Variants in FRAS1 observed in about 807,000 individuals in gnomAD.
FRAS1 encodes the protein Fraser extracellular matrix complex subunit 1, also known as extracellular matrix organizing protein FRAS1.
In FRAS1, 290 loss-of-function variants were observed where a neutral mutation model predicts 435.2. The ratio of observed to expected loss-of-function variants is 0.67; its 90% CI spans 0.61 to 0.73. FRAS1 has a LOEUF of 0.73. Ranked by LOEUF, FRAS1 falls within the 30% of genes least tolerant of loss-of-function variation. The pLI is 0.00. For missense variants in FRAS1, 4,860 were observed against 5,001.5 expected (o/e 0.97, Z 0.85); for synonymous variants, 1,800 against 1,851.0 (o/e 0.97, Z 0.71).
At chr4:78,082,365 A>C (rs1336735602) in intron 2 of FRAS1, among the ~76,000 whole-genome samples, 1 of 152,172 alleles carries the variant, frequency 6.6e-6, no homozygotes, top group East Asian at 1.9e-4. Flanking sequence ...TACATATATA[A>C]ATTTAAATTT....
In FRAS1 at chr4:78,522,603, G is replaced by T. The variant is rs762893903; in HGVS notation, c.10649-46G>T. 2.7e-6 allele frequency: 4 copies of T among 1,498,296 alleles called. No homozygotes were observed. The Admixed American group carries it at 5.9e-5, about 22-fold the overall frequency. 92.8% of individuals were successfully genotyped at this position (1,498,296 alleles called of 1,614,324 possible). A position where few individuals can be genotyped will look rare whatever the true frequency, so the allele number is the denominator to read the frequency against. On this transcript the variant is annotated intron_variant, in intron 68 of 73. Transcript: ENST00000512123. ...CTCTACCAGGTACAGTCAAACTAAA[G>T]CTCTACCACAAGTACATTAAATGCA... is the stretch of plus-strand genomic sequence containing the variant.
At chr4:78,136,365 C>A (rs1195045315) in intron 2 of FRAS1, among the ~76,000 whole-genome samples, 1 of 152,138 alleles carries the variant, frequency 6.6e-6, no homozygotes, top group Non-Finnish European at 1.5e-5. Context: ...CTGTGCATGT[C>A]CATCAATGAC....
intron 2 of FRAS1, among the ~76,000 whole-genome samples, chr4:78,117,166 C>G (rs1044254171): frequency 4.6e-5 from 7 of 152,210 alleles, no homozygotes; most frequent in Non-Finnish European, 8.8e-5. Flanking sequence ...GGCCCCCACT[C>G]TCTTCTGGCT....
chr4:78,272,025 T>G (rs1345042274), intron 9 of FRAS1, among the ~76,000 whole-genome samples: 6 of 152,266 alleles, frequency 3.9e-5, no homozygotes, highest in Admixed American at 3.9e-4. Context: ...TGTGAGACGG[T>G]ATCTCACTGT....
chr4:78,133,061 C>A (rs918850245), intron 2 of FRAS1, among the ~76,000 whole-genome samples: 1 of 152,064 alleles, frequency 6.6e-6, no homozygotes, highest in Non-Finnish European at 1.5e-5. Context: ...GGCAACAGAG[C>A]GAGACTCTGC....
At chr4:78,408,599 CT>C (rs1265243419) in intron 31 of FRAS1, among the ~76,000 whole-genome samples, 2 of 152,206 alleles carry the variant, frequency 1.3e-5, no homozygotes. Flanking sequence ...AGTTCTGCCA[CT>C]TACTAGCTAC....
chr4:78,407,636 C>A (rs1733151447), intron 30 of FRAS1, 27 bp from the exon 31 acceptor site: 1 of 1,568,476 alleles, frequency 6.4e-7, no homozygotes, highest in African/African-American at 1.4e-5. Context: ...GGGACCCTCA[C>A]TAACTATGTG....
intron 2 of FRAS1, among the ~76,000 whole-genome samples, chr4:78,075,894 C>T (rs17002920): frequency 0.029 from 4,417 of 152,032 alleles, 193 homozygotes; most frequent in African/African-American, 0.1. Context: ...CAGTTTGAAG[C>T]GAGAGAAGTG....
chr4:78,098,679 A>G (rs1186653121), intron 2 of FRAS1, among the ~76,000 whole-genome samples: 1 of 152,238 alleles, frequency 6.6e-6, no homozygotes, highest in Non-Finnish European at 1.5e-5. Context: ...GGCTTTGATG[A>G]CATGCACTAA....
At position 78,101,614 on chromosome 4, in the gene FRAS1, A is replaced by G. The variant is rs550449811; in HGVS notation, c.108+35598A>G. 5.9e-5 allele frequency among the ~76,000 whole-genome samples: 9 copies of G among 152,324 alleles called. No individual in the cohort carries two copies. The East Asian group carries it at 7.7e-4, about 13-fold the overall frequency. On this transcript the variant is annotated intron_variant, in intron 2 of 73. Coordinates refer to ENST00000512123, the MANE Select transcript of FRAS1 (RefSeq NM_025074.7). ...CAGAAAATAGGAATTTTCTCTCTAG[A>G]GAAAGTTCTCAAGGAACTGAGAATT...
intron 36 of FRAS1, among the ~76,000 whole-genome samples, chr4:78,429,791 G>A (rs1734141494): frequency 6.6e-6 from 1 of 152,162 alleles, no homozygotes; most frequent in Non-Finnish European, 1.5e-5. Context: ...TACATATGGG[G>A]TTTGGCCTAA....
At chr4:78,291,654 A>T (rs1727903514) in intron 14 of FRAS1, among the ~76,000 whole-genome samples, 1 of 151,798 alleles carries the variant, frequency 6.6e-6, no homozygotes, top group Non-Finnish European at 1.5e-5. Context: ...TTTTTTGACC[A>T]TTGTTCTAGG....
intron 2 of FRAS1, chr4:78,068,662 T>C: frequency 2.2e-6 from 1 of 453,604 alleles, no homozygotes; most frequent in Non-Finnish European, 4.4e-6. Context: ...GGAAACTATA[T>C]TAAATACTTT....
At chr4:78,219,798 G>C (rs1190039278) in intron 2 of FRAS1, among the ~76,000 whole-genome samples, 1 of 152,090 alleles carries the variant, frequency 6.6e-6, no homozygotes, top group Admixed American at 6.5e-5. Flanking sequence ...ATTTCATGAA[G>C]GTTTTTTTCA....
intron 47 of FRAS1, among the ~76,000 whole-genome samples, chr4:78,455,079 GA>G (rs1235254448): frequency 6.6e-6 from 1 of 152,130 alleles, no homozygotes; most frequent in Non-Finnish European, 1.5e-5. Flanking sequence ...ACTCTGAGAA[GA>G]GCAGATACAA....
At position 78,145,717 on chromosome 4, in the gene FRAS1, A is replaced by G. The variant is rs114204128; in HGVS notation, c.108+79701A>G. ...GAACTACATCAAGAGATTCTTAAAAAGTACTGATATGGTTTGGCTGTGTCC... is the reference window on the plus strand; with the variant it reads ...GAACTACATCAAGAGATTCTTAAAAGGTACTGATATGGTTTGGCTGTGTCC... On this transcript the variant is annotated intron_variant, in intron 2 of 73. Coordinates refer to ENST00000512123, the MANE Select transcript of FRAS1 (RefSeq NM_025074.7). Among the ~76,000 whole-genome samples the G allele has an allele frequency of 3.6e-3, 550 of 152,318 alleles. 4 individuals carry two copies. Among genetic ancestry groups the G allele is most frequent in the African/African-American group, 0.013 (526 of 41,568 alleles).
chr4:78,270,265 T>C (rs1726592606), intron 9 of FRAS1, among the ~76,000 whole-genome samples: 1 of 152,196 alleles, frequency 6.6e-6, no homozygotes, highest in Non-Finnish European at 1.5e-5. Context: ...TTACTTACAA[T>C]GATGTTTGAA....
chr4:78,364,979 A>G (rs1367784443), intron 22 of FRAS1, among the ~76,000 whole-genome samples: 1 of 152,166 alleles, frequency 6.6e-6, no homozygotes, highest in Non-Finnish European at 1.5e-5. Context: ...ACTAGGCCTC[A>G]GTTTCTTTTT....
intron 30 of FRAS1, among the ~76,000 whole-genome samples, chr4:78,406,515 G>A (rs945344202): frequency 3.9e-5 from 6 of 152,116 alleles, no homozygotes; most frequent in Non-Finnish European, 8.8e-5. Context: ...ATCAGATCTC[G>A]TGAGACTTAT....
Sources: allele counts gnomAD v4.1 joint callset (sites outside exome capture counted in the v4.1 genomes callset), GRCh38; gene constraint gnomAD v4.1.1; transcripts MANE v1.5; gene names NCBI Gene and HGNC (gene_info 2026-07-23, HGNC 2026-07-21).